The following TENM3 variants were observed in gnomAD, a reference collection of about 807,000 sequenced individuals.
The protein encoded by TENM3 is teneurin transmembrane protein 3, also known as teneurin-3.
Under a neutral mutation model 255.1 loss-of-function variants are expected in TENM3, and 63 were observed. The observed-to-expected ratio is 0.25, with a 90% CI of 0.20 to 0.30. The LOEUF (loss-of-function observed/expected upper bound fraction) is 0.30, where lower values mean the gene tolerates loss of function less well. Among genes scored for constraint, TENM3 ranks in the 10% least tolerant of loss-of-function variants. TENM3 has a pLI of 1.00. For missense variants in TENM3, 2,929 were observed against 3,461.1 expected (o/e 0.85, Z 3.86); for synonymous variants, 1,306 against 1,322.3 (o/e 0.99, Z 0.27).
At chr4:182,107,541 C>T in the TENM3 span, among the ~76,000 whole-genome samples, 1 of 152,152 alleles carries the variant, frequency 6.6e-6, no homozygotes, top group Admixed American at 6.5e-5. Context: ...ATTGGGTTGG[C>T]CCAAGGCCAC....
In TENM3 at chr4:182,731,022, C is replaced by T. The variant is rs10866256; in HGVS notation, c.2850C>T (p.Asp950=). 12 of 1,613,798 alleles carry T rather than the reference C, an allele frequency of 7.4e-6. No individual in the cohort carries two copies. The highest frequency in any genetic ancestry group is 4.0e-5 in the African/African-American group (3 of 74,898). ...DTLVMKKEEN[D]IPSCDLSGFV... Reference sequence around the variant, plus strand: ...TAGTCATGAAGAAAGAAGAGAATGACATTCCCAGCTGTGATCTGAGTGGAT... The same window carrying T: ...TAGTCATGAAGAAAGAAGAGAATGATATTCCCAGCTGTGATCTGAGTGGAT... The change falls in exon 16 of 28, where the codon GAC becomes GAT. Residue 950 remains aspartate, a synonymous_variant. Transcript: ENST00000511685.
At chr4:181,857,253 C>A in the TENM3 span, among the ~76,000 whole-genome samples, 302 of 150,954 alleles carry the variant, frequency 2.0e-3, 1 homozygote, top group African/African-American at 7.1e-3. Context: ...CAGAAGAAAC[C>A]AGCCAGGAAA....
the TENM3 span, among the ~76,000 whole-genome samples, chr4:181,469,512 A>G: frequency 1.4e-4 from 21 of 152,190 alleles, no homozygotes; most frequent in African/African-American, 4.1e-4. Flanking sequence ...AAACACTTGC[A>G]TATTTTTTCT....
chr4:181,465,280 GAA>G, the TENM3 span, among the ~76,000 whole-genome samples: 66,103 of 142,704 alleles, frequency 0.46, 14,844 homozygotes, highest in African/African-American at 0.52. Context: ...AAAGACAACT[GAA>G]AAAAAAAAAA....
intron 3 of TENM3, among the ~76,000 whole-genome samples, chr4:182,399,216 A>T (rs974673410): frequency 3.3e-5 from 5 of 152,378 alleles, no homozygotes; most frequent in Non-Finnish European, 5.9e-5. Flanking sequence ...TGAGTTATAA[A>T]GGTAAATATT....
rs1762603368 is a variant in TENM3, at chr4:182,754,681, C to T, written c.4314C>T (p.Ile1438=). 2 of 1,613,918 alleles carry T rather than the reference C, an allele frequency of 1.2e-6. No homozygotes were observed. The highest frequency in any genetic ancestry group is 1.7e-6 in the Non-Finnish European group (2 of 1,179,902). The change falls in exon 22 of 28, where the codon ATC becomes ATT. Residue 1438 remains isoleucine (I), a synonymous_variant. Coordinates refer to ENST00000511685, the MANE Select transcript of TENM3 (RefSeq NM_001080477.4). This position sits in a 1 kb window ranked among gnomAD's most constrained non-coding sequence, Gnocchi z 5.1. ...GGCAGGTCACAACAGATGGAGAAAT[C>T]TCCTTAGTGGCCGGAATACCTTCAG... is the stretch of plus-strand genomic sequence containing the variant. ...RIRQVTTDGE[I]SLVAGIPSEC...
At chr4:182,650,889 A>AAAAATAT (rs1281790163) in intron 5 of TENM3, among the ~76,000 whole-genome samples, 2 of 29,772 alleles carry the variant, frequency 6.7e-5, no homozygotes, top group South Asian at 8.8e-4. Context: ...AATAAAAAAA[A>AAAAATAT]ATATATATAT....
chr4:181,495,283 C>T, the TENM3 span, among the ~76,000 whole-genome samples: 61 of 152,188 alleles, frequency 4.0e-4, 1 homozygote, highest in South Asian at 2.1e-4. Context: ...TAGGAGTTAG[C>T]GAAGGAGTTG....
At chr4:182,462,742 C>T (rs1035286722) in intron 3 of TENM3, among the ~76,000 whole-genome samples, 3 of 151,764 alleles carry the variant, frequency 2.0e-5, no homozygotes, top group Non-Finnish European at 4.4e-5. Flanking sequence ...CAAAAATTAG[C>T]TGGGTGTGGT....
At chr4:182,732,146 T>C (rs1246215027) in intron 16 of TENM3, among the ~76,000 whole-genome samples, 17 of 150,128 alleles carry the variant, frequency 1.1e-4, no homozygotes, top group Admixed American at 1.1e-3. Context: ...ACCTTATATA[T>C]TTATTAATAA....
the TENM3 span, among the ~76,000 whole-genome samples, chr4:181,474,995 T>C: frequency 6.6e-6 from 1 of 152,130 alleles, no homozygotes. Context: ...TATCTTAAAA[T>C]GAATAGCAGC....
chr4:181,622,591 G>A, the TENM3 span, among the ~76,000 whole-genome samples: 44 of 152,194 alleles, frequency 2.9e-4, no homozygotes, highest in South Asian at 7.7e-3. Flanking sequence ...CAGGAGAATC[G>A]CTTGAACCCA....
At chr4:182,739,435 T>C (rs985226633) in intron 18 of TENM3, among the ~76,000 whole-genome samples, 2 of 152,190 alleles carry the variant, frequency 1.3e-5, no homozygotes, top group African/African-American at 4.8e-5. Context: ...TATTATACTT[T>C]AGCATCCTGT....
chr4:181,894,624 A>C, the TENM3 span, among the ~76,000 whole-genome samples: 1 of 152,092 alleles, frequency 6.6e-6, no homozygotes, highest in African/African-American at 2.4e-5. Context: ...TTAAGGTCAG[A>C]ATCCTTAATC....
the TENM3 span, among the ~76,000 whole-genome samples, chr4:181,467,609 GA>G: frequency 6.6e-6 from 1 of 151,880 alleles, no homozygotes; most frequent in Non-Finnish European, 1.5e-5. Flanking sequence ...TATATTTCTA[GA>G]AAAAAAGATT....
At chr4:181,616,749 G>A in the TENM3 span, among the ~76,000 whole-genome samples, 419 of 152,152 alleles carry the variant, frequency 2.8e-3, no homozygotes, top group Non-Finnish European at 4.4e-3. Flanking sequence ...AATGTCCGTG[G>A]GCAGGAGAGG....
chr4:181,549,435 G>T, the TENM3 span, among the ~76,000 whole-genome samples: 1 of 152,114 alleles, frequency 6.6e-6, no homozygotes, highest in African/African-American at 2.4e-5. Flanking sequence ...AAGGTTTCTG[G>T]TGGGGCTTAC....
chr4:181,602,067 C>A, the TENM3 span, among the ~76,000 whole-genome samples: 2 of 152,068 alleles, frequency 1.3e-5, no homozygotes, highest in African/African-American at 4.8e-5. Context: ...TTTTAGGTCT[C>A]CAGTGGACAA....
Position 182,283,238 on chromosome 4 carries a change from A to G in TENM3, c.-76+39762A>G, listed in dbSNP as rs117615683. ...CTTATAAAACGTAAATAATATGATA[A>G]ACCATATCTATTTCATAAACACTTT... On this transcript the variant is annotated intron_variant, in intron 1 of 27. Coordinates refer to ENST00000511685, the MANE Select transcript of TENM3 (RefSeq NM_001080477.4). Among the ~76,000 whole-genome samples, 45 of 152,352 alleles carry G rather than the reference A, an allele frequency of 3.0e-4. 3 individuals carry two copies. In the East Asian group the frequency reaches 8.7e-3, roughly 29 times the overall value.
Sources: gnomAD v4.1 joint callset for allele counts (sites outside exome capture counted in the v4.1 genomes callset) on GRCh38, gnomAD v4.1.1 for gene constraint, Gnocchi (gnomAD v3.1) non-coding constraint, MANE v1.5 for transcripts, NCBI Gene and HGNC (gene_info 2026-07-23, HGNC 2026-07-21) for gene names.